Variants in PPP3CA observed in about 807,000 individuals in gnomAD.
PPP3CA encodes the protein CAM-PRP catalytic subunit.
Under a neutral mutation model 66.5 loss-of-function variants are expected in PPP3CA, and 14 were observed. The observed-to-expected ratio is 0.21, with a 90% confidence interval of 0.14 to 0.33. The LOEUF (loss-of-function observed/expected upper bound fraction) is 0.33. PPP3CA is among the 10% of genes least tolerant of loss of function. The probability of loss-of-function intolerance (pLI) is 1.00; values close to 1 mark genes in which losing one functional copy is unlikely to be tolerated. For synonymous variants in PPP3CA, 232 were observed against 226.2 expected (o/e 1.03, Z -0.23); for missense variants, 317 against 639.5 (o/e 0.50, Z 5.44).
At chr4:101,038,320 A>AT (rs1282764706) in intron 11 of PPP3CA, among the ~76,000 whole-genome samples, 2 of 152,062 alleles carry the variant, frequency 1.3e-5, no homozygotes, top group Admixed American at 1.3e-4. Flanking sequence ...CTTCCTGTCT[A>AT]ATGCCACAGC....
Position 101,025,781 on chromosome 4 carries a change from A to G in PPP3CA, c.*84T>C. The G allele has an allele frequency of 1.7e-6, 2 of 1,177,928 alleles. No individual in the cohort carries two copies. The highest frequency in any genetic ancestry group is 2.4e-5 in the East Asian group (1 of 41,016). The allele number at this position is 1,177,928 out of a possible 1,614,324, so 73.0% of individuals were successfully genotyped here. On this transcript the variant is annotated 3_prime_UTR_variant, in exon 14 of 14. Transcript: ENST00000394854. ...CTACTGTCAGAGGCAAGAACATCCAACTGCTGATATGCAGCAATCCCCATC... is the reference window on the plus strand; with the variant it reads ...CTACTGTCAGAGGCAAGAACATCCAGCTGCTGATATGCAGCAATCCCCATC...
At chr4:101,032,463 T>G (rs1201786519) in intron 11 of PPP3CA, 99 bp from the exon 12 acceptor site, 11 of 961,670 alleles carry the variant, frequency 1.1e-5, no homozygotes, top group Non-Finnish European at 1.8e-5. Context: ...GCACCCACAT[T>G]TCCCTCTATC....
intron 2 of PPP3CA, among the ~76,000 whole-genome samples, chr4:101,178,883 A>G (rs1334704216): frequency 1.3e-5 from 2 of 152,102 alleles, no homozygotes; most frequent in Admixed American, 1.3e-4. Flanking sequence ...CCAACCACAC[A>G]TAAACCACCT....
intron 1 of PPP3CA, among the ~76,000 whole-genome samples, chr4:101,345,194 T>A (rs1238018891): frequency 1.3e-5 from 2 of 152,182 alleles, no homozygotes; most frequent in Admixed American, 1.3e-4. Flanking sequence ...ATGATTCCAG[T>A]AAAACCAAAA....
At chr4:101,038,656 C>T (rs1727368776) in intron 11 of PPP3CA, among the ~76,000 whole-genome samples, 1 of 152,166 alleles carries the variant, frequency 6.6e-6, no homozygotes, top group South Asian at 2.1e-4. Flanking sequence ...GCGTGAGCCA[C>T]CACGCCCGGC....
intron 6 of PPP3CA, among the ~76,000 whole-genome samples, chr4:101,091,039 A>C (rs956058236): frequency 2.0e-5 from 3 of 152,088 alleles, no homozygotes; most frequent in Non-Finnish European, 4.4e-5. Flanking sequence ...GTTCAGTATT[A>C]TATAAGTTCA....
chr4:101,067,409 GA>G (rs1224659812), intron 8 of PPP3CA, among the ~76,000 whole-genome samples: 4 of 151,886 alleles, frequency 2.6e-5, no homozygotes, highest in Non-Finnish European at 1.5e-5. Context: ...TGTACATAGT[GA>G]AGTCCAAAGA....
chr4:101,317,140 C>T (rs1449288542), intron 1 of PPP3CA, among the ~76,000 whole-genome samples: 1 of 151,948 alleles, frequency 6.6e-6, no homozygotes. Flanking sequence ...CACAATCTAT[C>T]TGGCTGCATT....
chr4:101,109,381 T>G (rs947071791), intron 2 of PPP3CA, among the ~76,000 whole-genome samples: 1 of 151,178 alleles, frequency 6.6e-6, no homozygotes, highest in Non-Finnish European at 1.5e-5. Flanking sequence ...AAAAATTCTT[T>G]ATGAGACGCT....
chr4:101,142,572 C>T (rs1307505012), intron 2 of PPP3CA, among the ~76,000 whole-genome samples: 1 of 152,112 alleles, frequency 6.6e-6, no homozygotes, highest in Non-Finnish European at 1.5e-5. Context: ...CCCACCCGCC[C>T]CAGCTTTTTT....
At chr4:101,305,730 T>A (rs1422530697) in intron 1 of PPP3CA, among the ~76,000 whole-genome samples, 1 of 152,200 alleles carries the variant, frequency 6.6e-6, no homozygotes, top group African/African-American at 2.4e-5. Flanking sequence ...AAATCATTTG[T>A]CACAATCTTC....
Position 101,213,643 on chromosome 4 carries a change from T to C in PPP3CA, c.59-17527A>G, listed in dbSNP as rs571609328. Among the ~76,000 whole-genome samples the C allele has an allele frequency of 9.9e-5, 15 of 152,260 alleles. No individual in the cohort carries two copies. In the East Asian group the frequency reaches 2.9e-3, roughly 29 times the overall value. On this transcript the variant is annotated intron_variant, in intron 1 of 13. Coordinates refer to ENST00000394854, the MANE Select transcript of PPP3CA (RefSeq NM_000944.5). Reference sequence around the variant, plus strand: ...TTTTAACACATTTTCATATGTATGATTTCATTCAGTCTTCAGAATAACCCT... The same window carrying C: ...TTTTAACACATTTTCATATGTATGACTTCATTCAGTCTTCAGAATAACCCT...
chr4:101,132,897 C>T (rs1453479510), intron 2 of PPP3CA, among the ~76,000 whole-genome samples: 5 of 152,138 alleles, frequency 3.3e-5, no homozygotes, highest in Non-Finnish European at 7.3e-5. Flanking sequence ...AAAGCTTATC[C>T]ACCACGATAA....
intron 10 of PPP3CA, among the ~76,000 whole-genome samples, chr4:101,048,498 C>T (rs1399083069): frequency 2.0e-5 from 2 of 99,746 alleles, no homozygotes; most frequent in Admixed American, 1.5e-4. Context: ...AGATTGTTTG[C>T]TTTCTCTCAC....
At chr4:101,033,681 ATGGTCTTGAATATAT>A (rs1727115660) in intron 11 of PPP3CA, among the ~76,000 whole-genome samples, 1 of 152,156 alleles carries the variant, frequency 6.6e-6, no homozygotes. Context: ...GATTCAATCA[ATGGTCTTGAATATAT>A]TCACAGAGTT....
chr4:101,233,192 A>C (rs1726019967), intron 1 of PPP3CA, among the ~76,000 whole-genome samples: 1 of 151,792 alleles, frequency 6.6e-6, no homozygotes, highest in African/African-American at 2.4e-5. Flanking sequence ...CTGTCTAGAC[A>C]CATGATTGGA....
chr4:101,113,518 A>T (rs1345080747), intron 2 of PPP3CA, among the ~76,000 whole-genome samples: 1 of 152,110 alleles, frequency 6.6e-6, no homozygotes, highest in Admixed American at 6.6e-5. Context: ...GATGGCATCT[A>T]GGAAGGAGGG....
intron 10 of PPP3CA, among the ~76,000 whole-genome samples, chr4:101,043,792 T>C (rs1727640819): frequency 6.6e-6 from 1 of 152,056 alleles, no homozygotes; most frequent in Non-Finnish European, 1.5e-5. Context: ...GGAGAATCGG[T>C]TGAACCTGGG....
chr4:101,180,566 T>C (rs1724203110), intron 2 of PPP3CA, among the ~76,000 whole-genome samples: 2 of 152,188 alleles, frequency 1.3e-5, no homozygotes, highest in Admixed American at 1.3e-4. Context: ...TGACCTTCCC[T>C]GATAATTACT....
Sources: gnomAD v4.1 joint callset for allele counts (sites outside exome capture counted in the v4.1 genomes callset) on GRCh38, gnomAD v4.1.1 for gene constraint, MANE v1.5 for transcripts, NCBI Gene and HGNC (gene_info 2026-07-23, HGNC 2026-07-21) for gene names.